CSMD1: variants seen among roughly 807,000 people sequenced by gnomAD.
CSMD1 encodes CUB and sushi domain-containing protein 1.
In CSMD1, 213 loss-of-function variants were observed where a neutral mutation model predicts 417.5. The observed-to-expected ratio is 0.51, with a 90% CI of 0.46 to 0.57. The LOEUF is 0.57. Among genes scored for constraint, CSMD1 ranks in the 20% least tolerant of loss-of-function variants. The probability of loss-of-function intolerance (pLI) is 0.00; values close to 1 mark genes in which losing one functional copy is unlikely to be tolerated. For synonymous variants in CSMD1, 2,862 were observed against 1,736.8 expected (o/e 1.65, Z -16.11); for missense variants, 6,923 against 4,529.7 (o/e 1.53, Z -15.17).
intron 1 of CSMD1, among the ~76,000 whole-genome samples, chr8:4,862,745 C>T (rs1055834852): frequency 6.6e-6 from 1 of 152,060 alleles, no homozygotes; most frequent in Admixed American, 6.5e-5. Flanking sequence ...AATAAAAACA[C>T]AGTAGCGACA....
chr8:4,310,516 TTAAA>T (rs1798501149), intron 3 of CSMD1, among the ~76,000 whole-genome samples: 1 of 97,060 alleles, frequency 1.0e-5, no homozygotes, highest in Non-Finnish European at 2.4e-5. Context: ...TTCTTCCACA[TTAAA>T]TAAAATATCT....
At chr8:3,233,988 G>C (rs1001965782) in intron 26 of CSMD1, among the ~76,000 whole-genome samples, 2 of 152,166 alleles carry the variant, frequency 1.3e-5, no homozygotes, top group Non-Finnish European at 2.9e-5. Flanking sequence ...TGTCAACATC[G>C]ATGTCTGTGT....
chr8:3,901,248 C>G (rs1563192952), intron 5 of CSMD1, among the ~76,000 whole-genome samples: 1 of 152,130 alleles, frequency 6.6e-6, no homozygotes. Flanking sequence ...ATGTTCTTTT[C>G]CAGTTGTACT....
intron 51 of CSMD1, among the ~76,000 whole-genome samples, chr8:3,020,835 G>C (rs978479586): frequency 1.6e-4 from 24 of 152,108 alleles, no homozygotes; most frequent in African/African-American, 5.8e-4. Flanking sequence ...CGATTTATTG[G>C]TTTTGGGGAT....
chr8:3,771,118 C>A (rs1048111107), intron 5 of CSMD1, among the ~76,000 whole-genome samples: 1 of 151,922 alleles, frequency 6.6e-6, no homozygotes, highest in African/African-American at 2.4e-5. Context: ...AAAACTGTAT[C>A]CAAATTGTGA....
chr8:4,237,547 G>C (rs374425408), intron 3 of CSMD1, among the ~76,000 whole-genome samples: 1 of 127,860 alleles, frequency 7.8e-6, no homozygotes, highest in Non-Finnish European at 1.8e-5. Context: ...TTTTTTTTTT[G>C]TTTTTGAGTT....
At chr8:4,198,080 G>T (rs6992177) in intron 3 of CSMD1, among the ~76,000 whole-genome samples, 47 of 152,286 alleles carry the variant, frequency 3.1e-4, no homozygotes, top group Admixed American at 1.0e-3. Flanking sequence ...GCAAAGCGAG[G>T]GAAGTCTGGG....
intron 3 of CSMD1, among the ~76,000 whole-genome samples, chr8:4,304,735 G>A (rs1193347362): frequency 6.6e-6 from 1 of 152,104 alleles, no homozygotes; most frequent in Non-Finnish European, 1.5e-5. Context: ...AAATCACTTG[G>A]TAAAAGAAAA....
intron 40 of CSMD1, among the ~76,000 whole-genome samples, chr8:3,142,923 T>C (rs982633306): frequency 1.3e-5 from 2 of 152,226 alleles, no homozygotes; most frequent in African/African-American, 4.8e-5. Context: ...TTGTGAAATA[T>C]GAATATTACC....
chr8:4,264,868 C>G (rs1043315113), intron 3 of CSMD1, among the ~76,000 whole-genome samples: 2 of 152,106 alleles, frequency 1.3e-5, no homozygotes, highest in African/African-American at 4.8e-5. Flanking sequence ...ATTAAGTGCC[C>G]TAGGTAGGAC....
intron 3 of CSMD1, among the ~76,000 whole-genome samples, chr8:4,363,834 T>G (rs1801915356): frequency 6.6e-6 from 1 of 152,156 alleles, no homozygotes; most frequent in South Asian, 2.1e-4. Context: ...CACTTATTTG[T>G]GGGATCTGAA....
intron 1 of CSMD1, among the ~76,000 whole-genome samples, chr8:4,836,564 T>C (rs1387983386): frequency 1.3e-5 from 2 of 152,230 alleles, no homozygotes; most frequent in African/African-American, 4.8e-5. Context: ...GGTTTGAACT[T>C]GAACTTTATG....
intron 1 of CSMD1, among the ~76,000 whole-genome samples, chr8:4,850,712 G>A (rs1585210282): frequency 2.0e-5 from 3 of 152,044 alleles, no homozygotes; most frequent in African/African-American, 7.2e-5. Context: ...AGTGCAGAGT[G>A]TCGTGAAGCA....
At chr8:2,939,636 C>T (rs1194124856) in intron 69 of CSMD1, among the ~76,000 whole-genome samples, 1 of 152,190 alleles carries the variant, frequency 6.6e-6, no homozygotes, top group African/African-American at 2.4e-5. Flanking sequence ...GCAAAAACAT[C>T]ATTTGACATT....
chr8:4,525,080 A>G (rs750541692), intron 2 of CSMD1, among the ~76,000 whole-genome samples: 1 of 152,188 alleles, frequency 6.6e-6, no homozygotes, highest in Non-Finnish European at 1.5e-5. Flanking sequence ...CAAGTCAAAT[A>G]CATCAACCTT....
chr8:3,047,644 CCCTT>C (rs1269994315), intron 50 of CSMD1, among the ~76,000 whole-genome samples: 10 of 152,204 alleles, frequency 6.6e-5, no homozygotes, highest in African/African-American at 2.4e-4. Context: ...CTCTGCTTCT[CCCTT>C]CCTTTACCCC....
At chr8:3,114,027 G>A (rs1415039373) in intron 42 of CSMD1, among the ~76,000 whole-genome samples, 3 of 152,004 alleles carry the variant, frequency 2.0e-5, no homozygotes, top group Non-Finnish European at 4.4e-5. Flanking sequence ...AGACTAGTCT[G>A]GGCAATACAG....
chr8:3,184,976 T>G (rs989569828), intron 36 of CSMD1, among the ~76,000 whole-genome samples: 1 of 152,226 alleles, frequency 6.6e-6, no homozygotes, highest in Non-Finnish European at 1.5e-5. Context: ...ACATCCCTGT[T>G]TTGTCCTGGT....
intron 54 of CSMD1, among the ~76,000 whole-genome samples, chr8:2,980,632 G>A (rs926081490): frequency 6.6e-6 from 1 of 151,466 alleles, no homozygotes; most frequent in African/African-American, 2.5e-5. Context: ...AATGTTCTCT[G>A]AGTTCCACCA....
Sources: allele counts gnomAD v4.1 joint callset (sites outside exome capture counted in the v4.1 genomes callset), GRCh38; gene constraint gnomAD v4.1.1; transcripts MANE v1.5; gene names NCBI Gene and HGNC (gene_info 2026-07-23, HGNC 2026-07-21).